SOX5: variants seen among roughly 807,000 people sequenced by gnomAD.
SOX5 encodes transcription factor SOX-5.
In SOX5, 9 loss-of-function variants were observed where a neutral mutation model predicts 92.0. The ratio of observed to expected loss-of-function variants is 0.10; its 90% confidence interval spans 0.06 to 0.17. The LOEUF (loss-of-function observed/expected upper bound fraction) is 0.17. Ranked by LOEUF, SOX5 falls within the 10% of genes least tolerant of loss-of-function variation. The probability of loss-of-function intolerance (pLI) is 1.00; values close to 1 mark genes in which losing one functional copy is unlikely to be tolerated. For synonymous variants in SOX5, 344 were observed against 336.3 expected (o/e 1.02, Z -0.25); for missense variants, 642 against 944.5 (o/e 0.68, Z 4.20).
At chr12:24,355,494 T>C (rs1954723507) in intron 2 of SOX5, among the ~76,000 whole-genome samples, 1 of 151,746 alleles carries the variant, frequency 6.6e-6, no homozygotes, top group Non-Finnish European at 1.5e-5. Flanking sequence ...ATCCTAGCAA[T>C]CTGGAAGGGG....
At chr12:23,990,296 T>C (rs1033175771) in intron 4 of SOX5, among the ~76,000 whole-genome samples, 1 of 152,146 alleles carries the variant, frequency 6.6e-6, no homozygotes, top group African/African-American at 2.4e-5. Flanking sequence ...CTCTTCTCCA[T>C]AAACCCTTCA....
intron 2 of SOX5, among the ~76,000 whole-genome samples, chr12:23,876,263 C>T (rs2096925840): frequency 6.6e-6 from 1 of 152,102 alleles, no homozygotes; most frequent in Non-Finnish European, 1.5e-5. Context: ...CTACAAGGAA[C>T]TTAAACAAAT....
chr12:23,969,074 G>A (rs1010565384), intron 4 of SOX5, among the ~76,000 whole-genome samples: 3 of 152,120 alleles, frequency 2.0e-5, no homozygotes, highest in Admixed American at 6.5e-5. Flanking sequence ...GATAAATGGA[G>A]TCAACATCCA....
At chr12:24,249,475 G>A (rs996295402) in intron 3 of SOX5, among the ~76,000 whole-genome samples, 39 of 152,148 alleles carry the variant, frequency 2.6e-4, no homozygotes, top group African/African-American at 7.5e-4. Context: ...GCAGGTTTTC[G>A]TGGTGTATCT....
At chr12:24,270,149 C>T (rs1280264999) in intron 3 of SOX5, among the ~76,000 whole-genome samples, 1 of 152,094 alleles carries the variant, frequency 6.6e-6, no homozygotes, top group Non-Finnish European at 1.5e-5. Flanking sequence ...GCAACCTCCA[C>T]CTCCCGGGTT....
intron 4 of SOX5, among the ~76,000 whole-genome samples, chr12:24,158,856 A>C (rs924277611): frequency 6.6e-6 from 1 of 151,954 alleles, no homozygotes; most frequent in African/African-American, 2.4e-5. Flanking sequence ...TTAGGTGACT[A>C]ACATACTTGG....
chr12:24,242,505 A>G (rs183082786), intron 3 of SOX5, among the ~76,000 whole-genome samples: 2,858 of 152,254 alleles, frequency 0.019, 36 homozygotes, highest in East Asian at 0.034. Context: ...ACTAATATAA[A>G]AGATTCATTT....
chr12:23,854,619 T>C (rs907733572), intron 2 of SOX5, among the ~76,000 whole-genome samples: 1 of 152,146 alleles, frequency 6.6e-6, no homozygotes, highest in Non-Finnish European at 1.5e-5. Flanking sequence ...TCATTCACTC[T>C]ATTTTCTCTT....
intron 1 of SOX5, among the ~76,000 whole-genome samples, chr12:24,440,197 C>A (rs906684335): frequency 9.9e-5 from 15 of 152,132 alleles, no homozygotes; most frequent in Admixed American, 9.2e-4. Flanking sequence ...TGGATGGGTG[C>A]CTCAGAGATT....
intron 3 of SOX5, among the ~76,000 whole-genome samples, chr12:24,275,850 T>C (rs967517732): frequency 1.1e-4 from 16 of 152,250 alleles, no homozygotes; most frequent in Non-Finnish European, 1.0e-4. Flanking sequence ...AAAATGTCCA[T>C]CTCTCTACAT....
intron 11 of SOX5, among the ~76,000 whole-genome samples, chr12:23,556,432 G>A (rs1036437192): frequency 1.3e-5 from 2 of 152,032 alleles, no homozygotes; most frequent in African/African-American, 2.4e-5. Flanking sequence ...ACTTTAAAAC[G>A]AGAAAATATT....
At chr12:23,992,192 C>G (rs1950623629) in intron 4 of SOX5, among the ~76,000 whole-genome samples, 1 of 151,986 alleles carries the variant, frequency 6.6e-6, no homozygotes, top group South Asian at 2.1e-4. Flanking sequence ...TCTGGCAACA[C>G]CCTTAAAGGA....
intron 4 of SOX5, among the ~76,000 whole-genome samples, chr12:23,743,501 G>C (rs574748195): frequency 6.6e-6 from 1 of 151,904 alleles, no homozygotes; most frequent in Admixed American, 6.6e-5. Flanking sequence ...TAGTAGAGAC[G>C]GGATTTCACC....
intron 2 of SOX5, among the ~76,000 whole-genome samples, chr12:24,280,060 G>C (rs1944975666): frequency 6.6e-6 from 1 of 151,922 alleles, no homozygotes; most frequent in Non-Finnish European, 1.5e-5. Flanking sequence ...GAATCTAATG[G>C]ACCTAAAATC....
intron 6 of SOX5, among the ~76,000 whole-genome samples, chr12:23,714,889 T>A (rs907031439): frequency 1.3e-5 from 2 of 152,172 alleles, no homozygotes; most frequent in African/African-American, 4.8e-5. Context: ...TTTCTATGCA[T>A]ATAGTAAGGT....
chr12:24,555,936 G>A (rs914416585), intron 1 of SOX5, among the ~76,000 whole-genome samples: 3 of 152,186 alleles, frequency 2.0e-5, no homozygotes, highest in East Asian at 1.9e-4. Context: ...AGGCACGGAG[G>A]CCATGCTTCC....
Position 23,760,219 on chromosome 12 carries a change from T to C in SOX5, c.482-4495A>G, listed in dbSNP as rs1594138050. On this transcript the variant is annotated intron_variant, in intron 3 of 14. Coordinates refer to ENST00000451604, the MANE Select transcript of SOX5 (RefSeq NM_006940.6). ...CAGATACAATTTTGTCAGTGGCATA[T>C]ATAATTGTTATATCCATTTTGCAGA... is the stretch of plus-strand genomic sequence containing the variant. Among the ~76,000 whole-genome samples, 3 of 152,220 alleles carry C rather than the reference T, an allele frequency of 2.0e-5. No individual in the cohort carries two copies. In the East Asian group the frequency reaches 5.8e-4, roughly 29 times the overall value.
chr12:23,693,123 A>ATTT (rs2089185649), intron 6 of SOX5, among the ~76,000 whole-genome samples: 1 of 151,266 alleles, frequency 6.6e-6, no homozygotes, highest in Non-Finnish European at 1.5e-5. Context: ...TTATTTTATT[A>ATTT]TTGTTGTTGT....
At chr12:23,637,539 C>T (rs1289198480) in intron 8 of SOX5, among the ~76,000 whole-genome samples, 6 of 152,112 alleles carry the variant, frequency 3.9e-5, no homozygotes, top group Non-Finnish European at 8.8e-5. Context: ...TTTCCATTCC[C>T]ACAATATATA....
Sources: allele counts gnomAD v4.1 joint callset (sites outside exome capture counted in the v4.1 genomes callset), GRCh38; gene constraint gnomAD v4.1.1; transcripts MANE v1.5; gene names NCBI Gene and HGNC (gene_info 2026-07-23, HGNC 2026-07-21).